Variants in SCRG1 observed in about 807,000 individuals in gnomAD.
SCRG1 encodes the protein scrapie-responsive protein 1.
In SCRG1, 3 loss-of-function variants were observed where a neutral mutation model predicts 7.7. That is an observed-to-expected ratio of 0.39 (90% CI 0.18 to 1.01). The LOEUF is 1.01. Among genes scored for constraint, SCRG1 ranks in the 50% least tolerant of loss-of-function variants. SCRG1 has a pLI of 0.36. For missense variants in SCRG1, 110 were observed against 117.2 expected (o/e 0.94, Z 0.28); for synonymous variants, 46 against 41.2 (o/e 1.12, Z -0.44).
At chr4:173,497,924 C>A in the SCRG1 span, among the ~76,000 whole-genome samples, 321 of 152,248 alleles carry the variant, frequency 2.1e-3, 3 homozygotes, top group South Asian at 0.015. Context: ...AGGTGATCCA[C>A]CCGCCTCGGC....
At chr4:173,510,089 T>C in the SCRG1 span, among the ~76,000 whole-genome samples, 1 of 152,188 alleles carries the variant, frequency 6.6e-6, no homozygotes, top group Non-Finnish European at 1.5e-5. This position sits in a 1 kb window ranked among gnomAD's most constrained non-coding sequence, Gnocchi z 5.7. Flanking sequence ...TCTCATGCCC[T>C]ATAATTAAAC....
the SCRG1 span, among the ~76,000 whole-genome samples, chr4:173,464,241 G>A: frequency 6.6e-6 from 1 of 152,118 alleles, no homozygotes; most frequent in African/African-American, 2.4e-5. Context: ...AATTTCTAGA[G>A]ATATCCCAGT....
chr4:173,472,897 C>T, the SCRG1 span, among the ~76,000 whole-genome samples: 2 of 152,136 alleles, frequency 1.3e-5, no homozygotes, highest in South Asian at 2.1e-4. Flanking sequence ...GATTCAATCA[C>T]ATGATTCAGT....
At chr4:173,478,302 C>T in the SCRG1 span, among the ~76,000 whole-genome samples, 1 of 152,044 alleles carries the variant, frequency 6.6e-6, no homozygotes, top group African/African-American at 2.4e-5. Context: ...TAAATGTTCT[C>T]TGGGCTATTA....
At chr4:173,419,563 T>C in the SCRG1 span, 20 of 728,994 alleles carry the variant, frequency 2.7e-5, no homozygotes, top group Admixed American at 2.9e-4. Context: ...GGTGTACTTC[T>C]GCATTAAATT....
the SCRG1 span, among the ~76,000 whole-genome samples, chr4:173,476,677 C>T: frequency 6.6e-6 from 1 of 152,030 alleles, no homozygotes; most frequent in Non-Finnish European, 1.5e-5. Flanking sequence ...AAGAAGCCAT[C>T]ACAGCTGGGC....
At chr4:173,443,136 C>T in the SCRG1 span, among the ~76,000 whole-genome samples, 1 of 152,128 alleles carries the variant, frequency 6.6e-6, no homozygotes, top group Admixed American at 6.5e-5. Context: ...ATCCTCCTGA[C>T]TGGAGTGAGG....
the SCRG1 span, among the ~76,000 whole-genome samples, chr4:173,496,881 C>T: frequency 1.4e-4 from 22 of 151,854 alleles, no homozygotes; most frequent in African/African-American, 4.8e-4. Context: ...CTGAGGCAGG[C>T]GGATCACAAG....
the SCRG1 span, among the ~76,000 whole-genome samples, chr4:173,433,219 G>A: frequency 6.6e-6 from 1 of 152,054 alleles, no homozygotes; most frequent in South Asian, 2.1e-4. Flanking sequence ...ATGTGTGTTG[G>A]GGGGAAAGGA....
the SCRG1 span, among the ~76,000 whole-genome samples, chr4:173,421,522 T>C: frequency 6.6e-6 from 1 of 152,192 alleles, no homozygotes; most frequent in African/African-American, 2.4e-5. Context: ...ATGTGGTCCC[T>C]GTCACAAGAC....
the SCRG1 span, among the ~76,000 whole-genome samples, chr4:173,420,680 A>G: frequency 7.9e-5 from 12 of 151,658 alleles, no homozygotes; most frequent in Admixed American, 3.9e-4. Context: ...CCCTTCATAT[A>G]TGACCTAGTC....
the SCRG1 span, among the ~76,000 whole-genome samples, chr4:173,484,025 A>G: frequency 1.0e-5 from 1 of 97,734 alleles, no homozygotes; most frequent in East Asian, 3.2e-4. Flanking sequence ...AATATATTAT[A>G]ATATACATAT....
chr4:173,502,102 G>A, the SCRG1 span, among the ~76,000 whole-genome samples: 1 of 152,004 alleles, frequency 6.6e-6, no homozygotes, highest in Non-Finnish European at 1.5e-5. The surrounding 1 kb of genome is among the most constrained non-coding windows in gnomAD (Gnocchi z 4.6). Flanking sequence ...AAGGCATCCG[G>A]AGAAGAATAT....
At chr4:173,481,922 G>C in the SCRG1 span, among the ~76,000 whole-genome samples, 2 of 151,960 alleles carry the variant, frequency 1.3e-5, no homozygotes, top group African/African-American at 2.4e-5. Context: ...TTGACTGCAA[G>C]GGTGTCAGCA....
chr4:173,507,403 T>C, the SCRG1 span, among the ~76,000 whole-genome samples: 2 of 152,188 alleles, frequency 1.3e-5, no homozygotes, highest in African/African-American at 4.8e-5. The surrounding 1 kb of genome is among the most constrained non-coding windows in gnomAD (Gnocchi z 4.4). Context: ...AGAGACAGGG[T>C]TTCGCCATGT....
chr4:173,462,867 T>G, the SCRG1 span, among the ~76,000 whole-genome samples: 2 of 152,224 alleles, frequency 1.3e-5, no homozygotes, highest in African/African-American at 2.4e-5. Context: ...TTATGCAAAG[T>G]GTTAAGTTGT....
the SCRG1 span, among the ~76,000 whole-genome samples, chr4:173,442,933 T>C: frequency 6.6e-6 from 1 of 152,134 alleles, no homozygotes; most frequent in Non-Finnish European, 1.5e-5. Context: ...AATTTCAACA[T>C]GAGTTTTAGA....
At chr4:173,502,262 A>C in the SCRG1 span, among the ~76,000 whole-genome samples, 1 of 152,140 alleles carries the variant, frequency 6.6e-6, no homozygotes, top group African/African-American at 2.4e-5. This position sits in a 1 kb window ranked among gnomAD's most constrained non-coding sequence, Gnocchi z 4.6. Flanking sequence ...TATGTGAGCC[A>C]CATGGTCCGC....
At chr4:173,431,109 C>A in the SCRG1 span, among the ~76,000 whole-genome samples, 12 of 152,204 alleles carry the variant, frequency 7.9e-5, no homozygotes, top group Non-Finnish European at 1.0e-4. Context: ...ACGGGTACCA[C>A]TGGAATCTAA....
Sources: gnomAD v4.1 joint callset for allele counts (sites outside exome capture counted in the v4.1 genomes callset) on GRCh38, gnomAD v4.1.1 for gene constraint, Gnocchi (gnomAD v3.1) non-coding constraint, MANE v1.5 for transcripts, NCBI Gene and HGNC (gene_info 2026-07-23, HGNC 2026-07-21) for gene names.